STK32B: variants seen among roughly 807,000 people sequenced by gnomAD.
STK32B encodes serine/threonine kinase 32B.
In STK32B, 43 loss-of-function variants were observed where a neutral mutation model predicts 52.6. That is an observed-to-expected ratio of 0.82 (90% CI 0.64 to 1.05). The LOEUF (loss-of-function observed/expected upper bound fraction) is 1.05. Among genes scored for constraint, STK32B ranks in the 50% least tolerant of loss-of-function variants. The probability of loss-of-function intolerance (pLI) is 0.00; values close to 1 mark genes in which losing one functional copy is unlikely to be tolerated. For synonymous variants in STK32B, 238 were observed against 204.3 expected (o/e 1.17, Z -1.41); for missense variants, 621 against 534.6 (o/e 1.16, Z -1.59).
chr4:5,154,944 G>T (rs534067285), intron 2 of STK32B, among the ~76,000 whole-genome samples: 6 of 152,312 alleles, frequency 3.9e-5, no homozygotes, highest in South Asian at 2.1e-4. Flanking sequence ...CTCGGGATAT[G>T]TGCCAGTCCC....
intron 4 of STK32B, among the ~76,000 whole-genome samples, chr4:5,333,229 C>T (rs1459640994): frequency 6.6e-6 from 1 of 152,194 alleles, no homozygotes; most frequent in East Asian, 1.9e-4. Flanking sequence ...TTTTGATTTG[C>T]ATTTCTCTGA....
Position 5,270,349 on chromosome 4 carries a change from A to G in STK32B, c.261-60871A>G, listed in dbSNP as rs139941395. On this transcript the variant is annotated intron_variant, in intron 3 of 11. Coordinates refer to ENST00000282908, the MANE Select transcript of STK32B (RefSeq NM_018401.3). Reference sequence around the variant, plus strand: ...CCAGCACTGGAGAAAGATGTAGGCCAGAAGACTAAACTAGTCTAGTCTTTC... The same window carrying G: ...CCAGCACTGGAGAAAGATGTAGGCCGGAAGACTAAACTAGTCTAGTCTTTC... Among the ~76,000 whole-genome samples, 928 of 152,284 alleles carry G rather than the reference A, an allele frequency of 6.1e-3. 6 individuals carry two copies. The highest frequency in any genetic ancestry group is 0.021 in the African/African-American group (883 of 41,552).
intron 1 of STK32B, among the ~76,000 whole-genome samples, chr4:5,069,594 A>G (rs1372533483): frequency 6.6e-6 from 1 of 152,182 alleles, no homozygotes; most frequent in Non-Finnish European, 1.5e-5. Flanking sequence ...AGTGATCTGA[A>G]TAAGTTTCTT....
chr4:5,123,933 C>T (rs556122555), intron 1 of STK32B, among the ~76,000 whole-genome samples: 5 of 152,232 alleles, frequency 3.3e-5, no homozygotes, highest in African/African-American at 1.2e-4. Flanking sequence ...TTATTGATCA[C>T]TTAGTATGTG....
chr4:5,451,677 C>T (rs1433813535), intron 7 of STK32B, among the ~76,000 whole-genome samples: 1 of 152,118 alleles, frequency 6.6e-6, no homozygotes, highest in Non-Finnish European at 1.5e-5. Context: ...GCGGGACTGT[C>T]CTGTGCATTG....
chr4:5,170,954 C>T (rs1465164059), intron 3 of STK32B, among the ~76,000 whole-genome samples: 1 of 152,186 alleles, frequency 6.6e-6, no homozygotes, highest in African/African-American at 2.4e-5. Flanking sequence ...TTCTCCACAT[C>T]CTCTCCAGCA....
chr4:5,442,382 C>A (rs1455805145), intron 6 of STK32B, among the ~76,000 whole-genome samples: 1 of 151,948 alleles, frequency 6.6e-6, no homozygotes, highest in Admixed American at 6.6e-5. Flanking sequence ...CTCTTTTGAT[C>A]TTTGTTGGTT....
intron 11 of STK32B, among the ~76,000 whole-genome samples, chr4:5,490,528 T>C (rs1719632777): frequency 6.6e-6 from 1 of 152,134 alleles, no homozygotes. Flanking sequence ...GCCTAAAAGA[T>C]AAGTTATTTT....
chr4:5,200,854 T>A (rs1354109600), intron 3 of STK32B, among the ~76,000 whole-genome samples: 1 of 152,106 alleles, frequency 6.6e-6, no homozygotes, highest in African/African-American at 2.4e-5. Flanking sequence ...CATTAATCTG[T>A]GACTAAGGTT....
At chr4:5,247,839 A>C (rs557687719) in intron 3 of STK32B, among the ~76,000 whole-genome samples, 1 of 151,640 alleles carries the variant, frequency 6.6e-6, no homozygotes, top group Non-Finnish European at 1.5e-5. Context: ...ATACTGCCCT[A>C]TGTCTGAGTC....
chr4:5,444,585 G>A (rs1715204581), intron 6 of STK32B, among the ~76,000 whole-genome samples: 1 of 152,324 alleles, frequency 6.6e-6, no homozygotes, highest in East Asian at 1.9e-4. Context: ...ACTGGGAGCT[G>A]TTGACCGGAG....
rs192926245 is a variant in STK32B at position 5,195,914 on chromosome 4, A to G, written c.260+27464A>G. Among the ~76,000 whole-genome samples the G allele has an allele frequency of 3.9e-5, 6 of 152,318 alleles. No individual in the cohort carries two copies. In the East Asian group the frequency reaches 1.2e-3, roughly 29 times the overall value. Reference sequence around the variant, plus strand: ...TTATGACCAGTGTAAGTAAAAAACAATCTTCAGTTGTCTTACATAGATGGC... The same window carrying G: ...TTATGACCAGTGTAAGTAAAAAACAGTCTTCAGTTGTCTTACATAGATGGC... On this transcript the variant is annotated intron_variant, in intron 3 of 11. Coordinates refer to ENST00000282908, the MANE Select transcript of STK32B (RefSeq NM_018401.3).
In STK32B at chr4:5,058,511, C is replaced by G. The variant is rs903245796; in HGVS notation, c.52+6596C>G. On this transcript the variant is annotated intron_variant, in intron 1 of 11. Transcript: ENST00000282908. This position sits in a 1 kb window ranked among gnomAD's most constrained non-coding sequence, Gnocchi z 4.8. The stretch of plus-strand genomic sequence containing the variant: ...GAGATCACACTCACTGCTAGCCAGC[C>G]TGCACTGAGACATGGCATGAGTGGG... Among the ~76,000 whole-genome samples the G allele has an allele frequency of 6.6e-6, 1 of 152,190 alleles. No homozygotes were observed. The highest frequency in any genetic ancestry group is 1.5e-5 in the Non-Finnish European group (1 of 68,034).
intron 1 of STK32B, among the ~76,000 whole-genome samples, chr4:5,095,207 C>T (rs1369306964): frequency 3.9e-5 from 6 of 152,074 alleles, no homozygotes; most frequent in Non-Finnish European, 8.8e-5. Context: ...TAAGGGCAGG[C>T]TGGGAAGAGA....
At chr4:5,132,567 C>G (rs1459241970) in intron 1 of STK32B, among the ~76,000 whole-genome samples, 1 of 152,150 alleles carries the variant, frequency 6.6e-6, no homozygotes, top group Non-Finnish European at 1.5e-5. Context: ...GGATCACAAG[C>G]TGAGGAATGT....
chr4:5,107,639 A>G (rs556659355), intron 1 of STK32B, among the ~76,000 whole-genome samples: 42 of 152,332 alleles, frequency 2.8e-4, no homozygotes, highest in East Asian at 1.5e-3. Flanking sequence ...CATTCTTTCT[A>G]TGTTTAGTAA....
chr4:5,483,993 G>A (rs981957755), intron 11 of STK32B, among the ~76,000 whole-genome samples: 1 of 152,164 alleles, frequency 6.6e-6, no homozygotes, highest in Non-Finnish European at 1.5e-5. Flanking sequence ...TTGCTGAGGA[G>A]TGCTTTACTT....
chr4:5,334,980 T>C (rs1732542600), intron 4 of STK32B, among the ~76,000 whole-genome samples: 1 of 152,102 alleles, frequency 6.6e-6, no homozygotes, highest in Non-Finnish European at 1.5e-5. Flanking sequence ...ATCAGGATGA[T>C]GCTGGCCTCA....
chr4:5,496,150 CTT>C (rs955943331), intron 11 of STK32B, among the ~76,000 whole-genome samples: 15 of 152,242 alleles, frequency 9.9e-5, no homozygotes, highest in African/African-American at 2.9e-4. Context: ...TTACTGCTGT[CTT>C]TTTGTTTGTC....
Sources: allele counts gnomAD v4.1 joint callset (sites outside exome capture counted in the v4.1 genomes callset), GRCh38; gene constraint gnomAD v4.1.1; non-coding constraint Gnocchi (gnomAD v3.1); transcripts MANE v1.5; gene names NCBI Gene and HGNC (gene_info 2026-07-23, HGNC 2026-07-21).